The following PTPRR variants were observed in gnomAD, a reference collection of about 807,000 sequenced individuals.
PTPRR encodes the protein protein tyrosine phosphatase receptor type R, also known as receptor-type tyrosine-protein phosphatase R.
Under a neutral mutation model 77.2 loss-of-function variants are expected in PTPRR, and 38 were observed. The ratio of observed to expected loss-of-function variants is 0.49; its 90% confidence interval spans 0.38 to 0.65. PTPRR has a LOEUF of 0.65. Ranked by LOEUF, PTPRR falls within the 30% of genes least tolerant of loss-of-function variation. The pLI is 0.00. For synonymous variants in PTPRR, 299 were observed against 283.1 expected, an observed-to-expected ratio of 1.06 and a Z score of -0.57; for missense variants, 744 against 799.2, an observed-to-expected ratio of 0.93 and a Z score of 0.83.
intron 13 of PTPRR, among the ~76,000 whole-genome samples, chr12:70,645,565 C>T (rs1467971538): frequency 2.0e-5 from 3 of 152,182 alleles, no homozygotes; most frequent in African/African-American, 4.8e-5. Context: ...AATGATGCCC[C>T]ATTCCATGCT....
At chr12:70,903,050 G>A (rs997218660) in intron 1 of PTPRR, among the ~76,000 whole-genome samples, 3 of 151,804 alleles carry the variant, frequency 2.0e-5, no homozygotes, top group African/African-American at 7.2e-5. Flanking sequence ...TCACTTATAT[G>A]TGAAATCTAG....
chr12:70,703,551 TG>T (rs1888509210), intron 6 of PTPRR, among the ~76,000 whole-genome samples: 1 of 152,132 alleles, frequency 6.6e-6, no homozygotes, highest in Admixed American at 6.6e-5. Flanking sequence ...CTATTTTTAG[TG>T]GGAAAGTAGT....
chr12:70,701,034 A>G, intron 7 of PTPRR, 103 bp downstream of exon 7: 1 of 1,202,542 alleles, frequency 8.3e-7, no homozygotes, highest in Admixed American at 2.0e-5. Flanking sequence ...CCATTTGTTT[A>G]CTGTAGACTG....
At chr12:70,796,056 TG>T (rs1408572913) in intron 2 of PTPRR, among the ~76,000 whole-genome samples, 12 of 151,616 alleles carry the variant, frequency 7.9e-5, no homozygotes. Context: ...GCTGAGTAGC[TG>T]GGACTACAGG....
At chr12:70,699,882 C>A (rs1409029059) in intron 7 of PTPRR, among the ~76,000 whole-genome samples, 3 of 152,174 alleles carry the variant, frequency 2.0e-5, no homozygotes, top group East Asian at 3.9e-4. Flanking sequence ...CACACACTGA[C>A]AGTCTGTCAT....
chr12:70,902,556 A>G (rs561770829), intron 1 of PTPRR, among the ~76,000 whole-genome samples: 1 of 152,008 alleles, frequency 6.6e-6, no homozygotes, highest in South Asian at 2.1e-4. Flanking sequence ...ACTCAGCCAT[A>G]AGAAGGAATG....
At chr12:70,700,521 C>T (rs1048031162) in intron 7 of PTPRR, among the ~76,000 whole-genome samples, 1 of 152,138 alleles carries the variant, frequency 6.6e-6, no homozygotes, top group African/African-American at 2.4e-5. Flanking sequence ...GAATATCAAT[C>T]CCTGACTTTT....
chr12:70,751,836 T>C (rs1254117775), intron 5 of PTPRR, among the ~76,000 whole-genome samples: 1 of 152,188 alleles, frequency 6.6e-6, no homozygotes, highest in East Asian at 1.9e-4. Context: ...GATGAACCAA[T>C]ATTGATGTAT....
chr12:70,779,619 T>C (rs893289364), intron 2 of PTPRR, among the ~76,000 whole-genome samples: 6 of 152,220 alleles, frequency 3.9e-5, no homozygotes, highest in Admixed American at 1.3e-4. Flanking sequence ...GTGGGCTCCA[T>C]TGGTGCGGGT....
At chr12:70,696,903 T>C (rs567484073) in intron 8 of PTPRR, among the ~76,000 whole-genome samples, 51 of 152,298 alleles carry the variant, frequency 3.3e-4, no homozygotes, top group African/African-American at 8.9e-4. Context: ...GCATGATGTT[T>C]TCAAGGTTCA....
rs541727911 is a variant in PTPRR at position 70,908,184 on chromosome 12, A to G, written c.58+12149T>C. ...GAATAATTCTCATAGCAGATTAGGA[A>G]TTATATTAAAACATAGCAAAACGAA... On this transcript the variant is annotated intron_variant, in intron 1 of 13. Coordinates refer to ENST00000283228, the MANE Select transcript of PTPRR (RefSeq NM_002849.4). 2.4e-4 allele frequency among the ~76,000 whole-genome samples: 36 copies of G among 150,882 alleles called. No homozygotes were observed. The South Asian group carries it at 7.2e-3, about 30-fold the overall frequency.
chr12:70,839,113 G>A (rs1165031859), intron 2 of PTPRR, among the ~76,000 whole-genome samples: 1 of 152,122 alleles, frequency 6.6e-6, no homozygotes, highest in African/African-American at 2.4e-5. Context: ...TGAATGTTGT[G>A]ATGCTGAACC....
chr12:70,771,013 G>C (rs1890960128), intron 2 of PTPRR, among the ~76,000 whole-genome samples: 1 of 120,352 alleles, frequency 8.3e-6, no homozygotes, highest in South Asian at 3.4e-4. Context: ...GTGGGGTGGG[G>C]GGAGGGGGGA....
At chr12:70,714,978 C>T (rs374121427) in intron 6 of PTPRR, among the ~76,000 whole-genome samples, 12 of 152,068 alleles carry the variant, frequency 7.9e-5, no homozygotes, top group Non-Finnish European at 1.5e-4. Context: ...GAGTGAGACC[C>T]TGTCTCCAAA....
intron 2 of PTPRR, among the ~76,000 whole-genome samples, chr12:70,845,950 T>C (rs1261597727): frequency 6.6e-6 from 1 of 152,106 alleles, no homozygotes; most frequent in Non-Finnish European, 1.5e-5. Context: ...TGAATCACAG[T>C]GCTTCAGTGG....
At chr12:70,824,993 T>A (rs1892084337) in intron 2 of PTPRR, among the ~76,000 whole-genome samples, 1 of 152,088 alleles carries the variant, frequency 6.6e-6, no homozygotes. Context: ...TGAGTAGAAA[T>A]CTTAAGTTAG....
chr12:70,703,927 G>A (rs961747394), intron 6 of PTPRR, among the ~76,000 whole-genome samples: 1 of 152,108 alleles, frequency 6.6e-6, no homozygotes, highest in African/African-American at 2.4e-5. Flanking sequence ...ACGTTTAATA[G>A]GTGAGTTTTT....
chr12:70,717,062 G>A (rs1032279193), intron 6 of PTPRR, among the ~76,000 whole-genome samples: 8 of 152,164 alleles, frequency 5.3e-5, no homozygotes, highest in South Asian at 2.1e-4. Context: ...TTTAAACAAC[G>A]GCTACAAGAA....
At chr12:70,895,075 C>T (rs1321846057) in intron 1 of PTPRR, among the ~76,000 whole-genome samples, 2 of 151,520 alleles carry the variant, frequency 1.3e-5, no homozygotes, top group Non-Finnish European at 3.0e-5. Flanking sequence ...TTTATAACCC[C>T]ACATGAAAGT....
Sources: allele counts gnomAD v4.1 joint callset (sites outside exome capture counted in the v4.1 genomes callset), GRCh38; gene constraint gnomAD v4.1.1; transcripts MANE v1.5; gene names NCBI Gene and HGNC (gene_info 2026-07-23, HGNC 2026-07-21).